Variants in RPS6KC1 observed in about 807,000 individuals in gnomAD.
RPS6KC1 encodes the protein inactive ribosomal protein S6 kinase delta-1.
A neutral mutation model predicts 103.8 loss-of-function variants in RPS6KC1; 54 were observed. The observed-to-expected ratio is 0.52, with a 90% CI of 0.42 to 0.65. The LOEUF (loss-of-function observed/expected upper bound fraction) is 0.65. Among genes scored for constraint, RPS6KC1 ranks in the 30% least tolerant of loss-of-function variants. The probability of loss-of-function intolerance (pLI) is 0.00; values close to 1 mark genes in which losing one functional copy is unlikely to be tolerated. For missense variants in RPS6KC1, 1,151 were observed against 1,253.8 expected (o/e 0.92, Z 1.24); for synonymous variants, 439 against 438.7 (o/e 1.00, Z -0.01).
intron 12 of RPS6KC1, among the ~76,000 whole-genome samples, chr1:213,260,860 TGGCGAGAGATAG>T (rs2094775152): frequency 1.3e-5 from 2 of 152,176 alleles, no homozygotes; most frequent in Admixed American, 1.3e-4. Context: ...GAACTTGTGC[TGGCGAGAGATAG>T]GGATAACACA....
chr1:213,582,005 T>C, the RPS6KC1 span, among the ~76,000 whole-genome samples: 2 of 151,910 alleles, frequency 1.3e-5, no homozygotes, highest in African/African-American at 2.4e-5. Flanking sequence ...CCTGCCCACA[T>C]TGCAACATTG....
At chr1:213,161,889 G>A (rs2090505631) in intron 6 of RPS6KC1, among the ~76,000 whole-genome samples, 1 of 152,094 alleles carries the variant, frequency 6.6e-6, no homozygotes, top group Non-Finnish European at 1.5e-5. Flanking sequence ...ACAATTATTG[G>A]ACTCTAGATT....
intron 12 of RPS6KC1, among the ~76,000 whole-genome samples, chr1:213,250,809 T>C (rs974987099): frequency 1.3e-5 from 2 of 152,222 alleles, no homozygotes; most frequent in Non-Finnish European, 2.9e-5. Context: ...ACATTTTCCA[T>C]TGTCATATAC....
chr1:213,660,073 T>C, the RPS6KC1 span, among the ~76,000 whole-genome samples: 1 of 152,178 alleles, frequency 6.6e-6, no homozygotes, highest in Admixed American at 6.5e-5. Flanking sequence ...CCCCTAGGTA[T>C]TCTGTTGGAG....
chr1:213,728,965 T>TTTTTTTTTTTTTA, the RPS6KC1 span, among the ~76,000 whole-genome samples: 114 of 141,084 alleles, frequency 8.1e-4, 4 homozygotes, highest in African/African-American at 3.0e-3. Context: ...TTTTTTTTTT[T>TTTTTTTTTTTTTA]ACCAGTGGAC....
chr1:213,444,364 T>C, the RPS6KC1 span, among the ~76,000 whole-genome samples: 9 of 152,228 alleles, frequency 5.9e-5, no homozygotes, highest in African/African-American at 2.2e-4. Flanking sequence ...ACACTCTCTT[T>C]GGGATGTTCC....
At chr1:213,668,500 T>A in the RPS6KC1 span, among the ~76,000 whole-genome samples, 1 of 150,162 alleles carries the variant, frequency 6.7e-6, no homozygotes, top group Non-Finnish European at 1.5e-5. Context: ...CCAGGCTTTG[T>A]TGTTCCATTT....
intron 3 of RPS6KC1, among the ~76,000 whole-genome samples, chr1:213,090,852 A>T (rs572149835): frequency 8.5e-5 from 13 of 152,370 alleles, no homozygotes; most frequent in Admixed American, 2.0e-4. Flanking sequence ...GGATGTTTTT[A>T]TGAAAAATGA....
the RPS6KC1 span, among the ~76,000 whole-genome samples, chr1:213,849,623 A>G: frequency 6.6e-6 from 1 of 152,166 alleles, no homozygotes; most frequent in African/African-American, 2.4e-5. Context: ...TAAAGTTATA[A>G]TAATTTTAAC....
At chr1:213,459,541 C>T in the RPS6KC1 span, among the ~76,000 whole-genome samples, 1 of 151,978 alleles carries the variant, frequency 6.6e-6, no homozygotes, top group Non-Finnish European at 1.5e-5. Flanking sequence ...AAAACCAGCT[C>T]CTGGATTGAT....
chr1:213,763,144 C>T, the RPS6KC1 span, among the ~76,000 whole-genome samples: 15 of 152,182 alleles, frequency 9.9e-5, no homozygotes, highest in Admixed American at 9.8e-4. Context: ...TAGGTGTGGG[C>T]CACTGAGCCT....
chr1:213,094,110 A>T, intron 3 of RPS6KC1, among the ~76,000 whole-genome samples: 1 of 150,220 alleles, frequency 6.7e-6, no homozygotes, highest in Admixed American at 6.6e-5. Flanking sequence ...AGAGAATAGT[A>T]TAGTGAACAC....
intron 8 of RPS6KC1, among the ~76,000 whole-genome samples, chr1:213,213,583 T>C (rs1012649107): frequency 2.0e-5 from 3 of 152,216 alleles, no homozygotes; most frequent in Non-Finnish European, 4.4e-5. Flanking sequence ...TGATAACCAC[T>C]AGACAATCAT....
chr1:213,260,717 C>T (rs1450126598), intron 12 of RPS6KC1, among the ~76,000 whole-genome samples: 1 of 131,662 alleles, frequency 7.6e-6, no homozygotes, highest in Non-Finnish European at 1.6e-5. Context: ...AATTTAATGC[C>T]ATTAGGAAAG....
intron 8 of RPS6KC1, among the ~76,000 whole-genome samples, chr1:213,188,186 A>C (rs1238891156): frequency 1.3e-5 from 2 of 152,116 alleles, no homozygotes; most frequent in Admixed American, 1.3e-4. Context: ...CCCTTTAGGC[A>C]GTCACGATGC....
chr1:213,302,278 C>T, the RPS6KC1 span, among the ~76,000 whole-genome samples: 7 of 152,126 alleles, frequency 4.6e-5, no homozygotes, highest in East Asian at 1.3e-3. Flanking sequence ...TTTCACTTGG[C>T]CAGAAGTTGG....
At chr1:213,431,018 G>C in the RPS6KC1 span, among the ~76,000 whole-genome samples, 3,449 of 152,324 alleles carry the variant, frequency 0.023, 134 homozygotes, top group African/African-American at 0.078. Flanking sequence ...GGTTGGGGGT[G>C]GGGGAGTGTG....
intron 1 of RPS6KC1, among the ~76,000 whole-genome samples, chr1:213,060,666 T>C (rs1375715868): frequency 2.0e-5 from 3 of 152,262 alleles, no homozygotes; most frequent in Admixed American, 2.0e-4. Flanking sequence ...CTGCAGACTT[T>C]CTTTAACATT....
At chr1:213,463,559 T>G in the RPS6KC1 span, among the ~76,000 whole-genome samples, 1 of 152,128 alleles carries the variant, frequency 6.6e-6, no homozygotes, top group Non-Finnish European at 1.5e-5. Flanking sequence ...TCTATCTACT[T>G]TAGCTGGACC....
Sources: allele counts gnomAD v4.1 joint callset (sites outside exome capture counted in the v4.1 genomes callset), GRCh38; gene constraint gnomAD v4.1.1; transcripts MANE v1.5; gene names NCBI Gene and HGNC (gene_info 2026-07-23, HGNC 2026-07-21).